The following SLC35F3 variants were observed in gnomAD, a reference collection of about 807,000 sequenced individuals.
SLC35F3 encodes the protein putative thiamine transporter SLC35F3.
A neutral mutation model predicts 49.9 loss-of-function variants in SLC35F3; 25 were observed. That is an observed-to-expected ratio of 0.50 (90% CI 0.37 to 0.70). The LOEUF (loss-of-function observed/expected upper bound fraction) is 0.70, where lower values mean the gene tolerates loss of function less well. SLC35F3 is among the 30% of genes least tolerant of loss of function. The pLI, the probability that SLC35F3 is intolerant of heterozygous loss-of-function variation, is 0.00. For synonymous variants in SLC35F3, 275 were observed against 265.4 expected (o/e 1.04, Z -0.35); for missense variants, 525 against 639.8 (o/e 0.82, Z 1.94).
chr1:234,072,840 T>G (rs1208043484), intron 2 of SLC35F3, among the ~76,000 whole-genome samples: 1 of 152,180 alleles, frequency 6.6e-6, no homozygotes, highest in Non-Finnish European at 1.5e-5. Flanking sequence ...TGTAAGGACC[T>G]TGGCTTGGCA....
At chr1:234,156,541 C>T (rs1666155560) in intron 2 of SLC35F3, among the ~76,000 whole-genome samples, 2 of 152,140 alleles carry the variant, frequency 1.3e-5, no homozygotes, top group Non-Finnish European at 2.9e-5. Flanking sequence ...CTTTGGGAAA[C>T]AGTTGAGCAG....
At chr1:233,920,411 G>A (rs112642606) in intron 2 of SLC35F3, among the ~76,000 whole-genome samples, 13 of 152,312 alleles carry the variant, frequency 8.5e-5, no homozygotes, top group Admixed American at 1.3e-4. Flanking sequence ...CATGCCAACC[G>A]TGAAGGAGGA....
chr1:234,034,328 T>A (rs1664108452), intron 2 of SLC35F3, among the ~76,000 whole-genome samples: 1 of 152,188 alleles, frequency 6.6e-6, no homozygotes, highest in Non-Finnish European at 1.5e-5. Flanking sequence ...CCAATTTGGA[T>A]GCCCTTTCTT....
intron 3 of SLC35F3, among the ~76,000 whole-genome samples, chr1:234,263,140 C>CT (rs1667931028): frequency 6.6e-6 from 1 of 152,092 alleles, no homozygotes; most frequent in African/African-American, 2.4e-5. Flanking sequence ...GGTCCGGGTG[C>CT]TACCTGCAGG....
intron 2 of SLC35F3, among the ~76,000 whole-genome samples, chr1:233,986,055 T>G (rs1265366457): frequency 2.0e-5 from 3 of 152,164 alleles, no homozygotes; most frequent in Non-Finnish European, 4.4e-5. Flanking sequence ...ACCCTGATCT[T>G]AAAAATGTGT....
At chr1:234,090,177 C>T (rs1260410685) in intron 2 of SLC35F3, among the ~76,000 whole-genome samples, 2 of 152,266 alleles carry the variant, frequency 1.3e-5, no homozygotes, top group Non-Finnish European at 2.9e-5. Context: ...TGCTTCATGT[C>T]GTTCACTCAT....
chr1:234,260,258 G>T (rs548649243), intron 3 of SLC35F3, among the ~76,000 whole-genome samples: 1 of 152,256 alleles, frequency 6.6e-6, no homozygotes, highest in South Asian at 2.1e-4. Context: ...CCAAGGCTCA[G>T]CCTCTAGACA....
At chr1:234,142,723 CAATGGGGCCAGTGTATTA>C (rs1665936899) in intron 2 of SLC35F3, among the ~76,000 whole-genome samples, 1 of 151,932 alleles carries the variant, frequency 6.6e-6, no homozygotes, top group East Asian at 1.9e-4. Context: ...CTTACAAATC[CAATGGGGCCAGTGTATTA>C]AATATGGCCC....
At chr1:234,268,299 A>C (rs1044838309) in intron 3 of SLC35F3, among the ~76,000 whole-genome samples, 2 of 152,166 alleles carry the variant, frequency 1.3e-5, no homozygotes, top group South Asian at 2.1e-4. Context: ...CCAAAAAAAA[A>C]CGAAAACCAG....
At chr1:234,014,438 G>A (rs73100465) in intron 2 of SLC35F3, among the ~76,000 whole-genome samples, 3 of 152,066 alleles carry the variant, frequency 2.0e-5, no homozygotes, top group Non-Finnish European at 4.4e-5. Flanking sequence ...CACTCTAACC[G>A]CTTCTGTTCA....
At chr1:233,971,488 G>A (rs1288106801) in intron 2 of SLC35F3, among the ~76,000 whole-genome samples, 1 of 152,172 alleles carries the variant, frequency 6.6e-6, no homozygotes. Flanking sequence ...TTGGGAGGCC[G>A]AGGCGGGTGG....
chr1:234,292,560 G>T (rs1668526399), intron 3 of SLC35F3, among the ~76,000 whole-genome samples: 1 of 152,222 alleles, frequency 6.6e-6, no homozygotes, highest in Admixed American at 6.5e-5. Context: ...GCCTGTTGGG[G>T]CATCCTGGGG....
At chr1:234,135,767 A>T (rs1665800984) in intron 2 of SLC35F3, among the ~76,000 whole-genome samples, 1 of 152,260 alleles carries the variant, frequency 6.6e-6, no homozygotes, top group South Asian at 2.1e-4. Context: ...GACTCCTGAA[A>T]GGAAAGCAGG....
At chr1:234,095,440 C>T (rs1665101821) in intron 2 of SLC35F3, among the ~76,000 whole-genome samples, 1 of 151,640 alleles carries the variant, frequency 6.6e-6, no homozygotes, top group Non-Finnish European at 1.5e-5. Context: ...GAAAGGGAAC[C>T]AGCACATGCA....
chr1:234,275,763 A>AAAAATATAT (rs1553260465), intron 3 of SLC35F3, among the ~76,000 whole-genome samples: 46 of 135,524 alleles, frequency 3.4e-4, no homozygotes, highest in African/African-American at 1.2e-3. Flanking sequence ...AAAAAAAAAA[A>AAAAATATAT]ATATATATAT....
chr1:234,214,182 CG>C lies in SLC35F3; in HGVS notation c.284-17231del, dbSNP rs1667079889. 1 of 1,106,742 alleles carries C rather than the reference CG, an allele frequency of 9.0e-7. No homozygotes were observed. The highest frequency in any genetic ancestry group is 4.1e-5 in the South Asian group (1 of 24,512). 68.6% of individuals were successfully genotyped at this position (1,106,742 alleles called of 1,614,324 possible). A position where few individuals can be genotyped will look rare whatever the true frequency, so the allele number is the denominator to read the frequency against. ...GGAGGAGGGCGGAGCAGGTGAGCTG[CG>C]GGGTGGGAGCAGGGAGTGCACTTGT... On this transcript the variant is annotated intron_variant, in intron 2 of 7. Transcript: ENST00000366618. This position sits in a 1 kb window ranked among gnomAD's most constrained non-coding sequence, Gnocchi z 8.0.
At chr1:234,274,356 G>A (rs1237682001) in intron 3 of SLC35F3, 3 of 152,212 alleles carry the variant, frequency 2.0e-5, no homozygotes, top group Admixed American at 6.5e-5. Flanking sequence ...TAGAGACACT[G>A]GTACAGGCAT....
At chr1:234,050,533 T>C (rs1421219628) in intron 2 of SLC35F3, among the ~76,000 whole-genome samples, 5 of 152,264 alleles carry the variant, frequency 3.3e-5, no homozygotes, top group African/African-American at 9.6e-5. Flanking sequence ...AGATTCTGGA[T>C]ATTAGCCCTT....
chr1:234,238,576 G>T (rs1033194041), intron 3 of SLC35F3, among the ~76,000 whole-genome samples: 1 of 152,070 alleles, frequency 6.6e-6, no homozygotes, highest in Non-Finnish European at 1.5e-5. Context: ...TATCATTGTG[G>T]TATTCATAGA....
Sources: allele counts gnomAD v4.1 joint callset (sites outside exome capture counted in the v4.1 genomes callset), GRCh38; gene constraint gnomAD v4.1.1; non-coding constraint Gnocchi (gnomAD v3.1); transcripts MANE v1.5; gene names NCBI Gene and HGNC (gene_info 2026-07-23, HGNC 2026-07-21).